Variants in WWOX observed in about 807,000 individuals in gnomAD.
WWOX encodes the protein WW domain-containing oxidoreductase.
In WWOX, 69 loss-of-function variants were observed where a neutral mutation model predicts 46.2. That is an observed-to-expected ratio of 1.49 (90% CI 1.23 to 1.82). The LOEUF (loss-of-function observed/expected upper bound fraction) is 1.82, where lower values mean the gene tolerates loss of function less well. Among genes scored for constraint, WWOX ranks in the 40% most tolerant of loss-of-function variants. The pLI, the probability that WWOX is intolerant of heterozygous loss-of-function variation, is 0.00. For synonymous variants in WWOX, 359 were observed against 202.6 expected, an observed-to-expected ratio of 1.77 and a Z score of -6.56; for missense variants, 919 against 542.6, an observed-to-expected ratio of 1.69 and a Z score of -6.89.
chr16:78,151,775 A>C (rs1456506972), intron 4 of WWOX, among the ~76,000 whole-genome samples: 1 of 152,240 alleles, frequency 6.6e-6, no homozygotes, highest in Non-Finnish European at 1.5e-5. Context: ...TATGAAATGC[A>C]CAAGAAGTTT....
chr16:78,875,173 A>C (rs766589149), intron 8 of WWOX, among the ~76,000 whole-genome samples: 2 of 152,176 alleles, frequency 1.3e-5, no homozygotes, highest in Non-Finnish European at 2.9e-5. Context: ...GCAAGATTGC[A>C]TGAGATTAAG....
intron 4 of WWOX, among the ~76,000 whole-genome samples, chr16:78,159,818 G>T (rs529213204): frequency 6.6e-6 from 1 of 151,002 alleles, no homozygotes; most frequent in African/African-American, 2.4e-5. Context: ...TTTCTTTAAC[G>T]TGCAGAAGCT....
At chr16:79,011,325 A>G (rs753454211) in intron 8 of WWOX, among the ~76,000 whole-genome samples, 4 of 151,824 alleles carry the variant, frequency 2.6e-5, no homozygotes, top group Non-Finnish European at 4.4e-5. Context: ...ATTATCTAAT[A>G]TGCCCTCTAC....
chr16:78,815,101 G>C (rs765100915), intron 8 of WWOX, among the ~76,000 whole-genome samples: 3 of 152,238 alleles, frequency 2.0e-5, no homozygotes, highest in Non-Finnish European at 4.4e-5. Context: ...GAGGTGGGCA[G>C]ATTGTCTGAG....
chr16:78,895,656 C>T (rs933122890), intron 8 of WWOX: 1 of 152,176 alleles, frequency 6.6e-6, no homozygotes, highest in African/African-American at 2.4e-5. Context: ...AAATAACTAT[C>T]ATTGGTGTTT....
chr16:78,208,809 C>A (rs1173162825), intron 5 of WWOX, among the ~76,000 whole-genome samples: 1 of 152,096 alleles, frequency 6.6e-6, no homozygotes, highest in African/African-American at 2.4e-5. Context: ...CTGAACATAC[C>A]AATTAATGTT....
intron 8 of WWOX, among the ~76,000 whole-genome samples, chr16:79,025,515 C>A (rs1298012307): frequency 6.6e-6 from 1 of 151,928 alleles, no homozygotes; most frequent in Non-Finnish European, 1.5e-5. Context: ...CGGAGTGATT[C>A]CCCCACAAGC....
chr16:78,351,942 C>G (rs533804065), intron 5 of WWOX, among the ~76,000 whole-genome samples: 32 of 152,168 alleles, frequency 2.1e-4, no homozygotes, highest in Non-Finnish European at 4.1e-4. Context: ...TAGGCATGAG[C>G]CACCACGCCC....
intron 8 of WWOX, among the ~76,000 whole-genome samples, chr16:78,993,983 G>C (rs1405554160): frequency 6.6e-6 from 1 of 152,172 alleles, no homozygotes; most frequent in Non-Finnish European, 1.5e-5. Flanking sequence ...GCTCAGCCCT[G>C]TCCTAGAGAA....
intron 5 of WWOX, among the ~76,000 whole-genome samples, chr16:78,344,179 G>C (rs1178058377): frequency 8.4e-6 from 1 of 118,932 alleles, no homozygotes; most frequent in East Asian, 1.9e-4. Context: ...AGGTGCAGGG[G>C]AGAATGGCTG....
intron 8 of WWOX, among the ~76,000 whole-genome samples, chr16:78,919,761 C>T (rs141535909): frequency 7.9e-4 from 120 of 152,206 alleles, no homozygotes; most frequent in African/African-American, 2.7e-3. Flanking sequence ...ATGATCCACT[C>T]GCCTTGGCCT....
chr16:78,359,027 C>T (rs1472254089), intron 5 of WWOX, among the ~76,000 whole-genome samples: 3 of 152,092 alleles, frequency 2.0e-5, no homozygotes, highest in African/African-American at 7.2e-5. Flanking sequence ...TTTTTTCAGT[C>T]ATGAGCAACG....
At chr16:78,798,532 C>A (rs993181393) in intron 8 of WWOX, among the ~76,000 whole-genome samples, 1 of 151,116 alleles carries the variant, frequency 6.6e-6, no homozygotes, top group Non-Finnish European at 1.5e-5. Flanking sequence ...AGCATCTTAT[C>A]ATTCACAAGC....
intron 5 of WWOX, among the ~76,000 whole-genome samples, chr16:78,216,653 C>T (rs147247311): frequency 1.3e-5 from 2 of 152,178 alleles, no homozygotes; most frequent in Non-Finnish European, 2.9e-5. Flanking sequence ...GGACTCTTCT[C>T]CTGCTTTTTT....
chr16:78,367,886 A>T (rs1282094328), intron 5 of WWOX, among the ~76,000 whole-genome samples: 1 of 151,946 alleles, frequency 6.6e-6, no homozygotes, highest in Non-Finnish European at 1.5e-5. Flanking sequence ...CCTCCTGAGT[A>T]GCTGTGATTA....
intron 8 of WWOX, among the ~76,000 whole-genome samples, chr16:78,596,909 C>T (rs1168595086): frequency 1.3e-5 from 2 of 152,164 alleles, no homozygotes; most frequent in African/African-American, 4.8e-5. Flanking sequence ...AAGCAAGCCC[C>T]ACACTCTCTT....
intron 8 of WWOX, among the ~76,000 whole-genome samples, chr16:78,812,255 A>C (rs2051209217): frequency 6.6e-6 from 1 of 152,158 alleles, no homozygotes; most frequent in South Asian, 2.1e-4. Context: ...ATAATGCCCC[A>C]TTCTGTGAGG....
chr16:78,713,661 G>A (rs1437476575), intron 8 of WWOX, among the ~76,000 whole-genome samples: 1 of 152,174 alleles, frequency 6.6e-6, no homozygotes, highest in African/African-American at 2.4e-5. Flanking sequence ...AAGACACATT[G>A]AGGAGGTGGC....
intron 8 of WWOX, among the ~76,000 whole-genome samples, chr16:78,644,670 C>A (rs1301705229): frequency 6.6e-6 from 1 of 152,142 alleles, no homozygotes; most frequent in African/African-American, 2.4e-5. Flanking sequence ...ACCATGTTTA[C>A]CAGGCTGGTC....
Sources: allele counts gnomAD v4.1 joint callset (sites outside exome capture counted in the v4.1 genomes callset), GRCh38; gene constraint gnomAD v4.1.1; transcripts MANE v1.5; gene names NCBI Gene and HGNC (gene_info 2026-07-23, HGNC 2026-07-21).